The following ZNF687 variants were observed in gnomAD, a reference collection of about 807,000 sequenced individuals.
ZNF687 encodes the protein zinc finger protein 687.
A neutral mutation model predicts 71.8 loss-of-function variants in ZNF687; 13 were observed. That is an observed-to-expected ratio of 0.18 (90% CI 0.12 to 0.29). ZNF687 has a LOEUF of 0.29. Ranked by LOEUF, ZNF687 falls within the 10% of genes least tolerant of loss-of-function variation. The pLI is 1.00. For synonymous variants in ZNF687, 673 were observed against 641.6 expected (o/e 1.05, Z -0.74); for missense variants, 1,412 against 1,625.6 (o/e 0.87, Z 2.26).
chr1:151,289,041 G>A (rs1474534830), intron 3 of ZNF687, 54 bp from the exon 4 acceptor site: 4 of 1,574,996 alleles, frequency 2.5e-6, no homozygotes, highest in Middle Eastern at 3.4e-4. Context: ...TGGTCCCGGG[G>A]TGGGCATGGA....
At chr1:151,282,130 GC>G, upstream of ZNF687, 1 of 1,240,092 alleles carries the variant, frequency 8.1e-7, no homozygotes, top group Admixed American at 2.8e-5. Context: ...AGAGGACTGT[GC>G]GGGGCTAGTT....
chr1:151,289,291 C>G lies in ZNF687; in HGVS notation c.2471+20C>G. 1 of 1,612,850 alleles carries G rather than the reference C, an allele frequency of 6.2e-7. No individual in the cohort carries two copies. Among genetic ancestry groups the G allele is most frequent in the Non-Finnish European group, 8.5e-7 (1 of 1,179,208 alleles). On this transcript the variant is annotated intron_variant, in intron 4 of 8. Coordinates refer to ENST00000336715, the MANE Select transcript of ZNF687 (RefSeq NM_020832.3). Reference sequence around the variant, plus strand: ...GGCCAAGTGAGGCCCGGGGGAGGGCCGGGCTGGGCCAGGGAGGGCTGGTGG... The same window carrying G: ...GGCCAAGTGAGGCCCGGGGGAGGGCGGGGCTGGGCCAGGGAGGGCTGGTGG...
rs758261765 is a variant in ZNF687, at chr1:151,290,588, G to C, written c.3219+15G>C. The C allele has an allele frequency of 8.1e-6, 13 of 1,609,362 alleles. No homozygotes were observed. Among genetic ancestry groups the C allele is most frequent in the Admixed American group, 3.4e-5 (2 of 59,668 alleles). On this transcript the variant is annotated intron_variant, in intron 8 of 8. Transcript: ENST00000336715. ...CCAGAGCCCAGGTAGGCAGAGGCCC[G>C]GCCTGCTGTGCTAGGGCTTTGAGTG...
chr1:151,287,059 A>C lies in ZNF687; in HGVS notation c.768A>C (p.Pro256=), dbSNP rs768168409. The change falls in exon 2 of 9, where the codon CCA becomes CCC. Residue 256 remains proline (P), a synonymous_variant. Transcript: ENST00000336715. This position sits in a 1 kb window ranked among gnomAD's most constrained non-coding sequence, Gnocchi z 5.0. ...TCCCTGCCAGTGCCTCGCCTCCCCC[A>C]GTTGCTGGGGTGCCCTTCTTCAAGC... ...TDIPASASPP[P]VAGVPFFKQS... The C allele has an allele frequency of 1.9e-6, 3 of 1,610,990 alleles. No individual in the cohort carries two copies. The highest frequency in any genetic ancestry group is 1.7e-6 in the Non-Finnish European group (2 of 1,177,716).
chr1:151,282,865 A>G (rs587693306), intron 1 of ZNF687, among the ~76,000 whole-genome samples: 2 of 152,156 alleles, frequency 1.3e-5, no homozygotes, highest in South Asian at 4.1e-4. Flanking sequence ...TCCAGTCTCT[A>G]GCGAGCCTCC....
At chr1:151,282,420 C>T (rs1215058587) in intron 1 of ZNF687, 25 bp downstream of exon 1, 1 of 986,104 alleles carries the variant, frequency 1.0e-6, no homozygotes, top group Non-Finnish European at 1.2e-6. Context: ...GGTAAATACC[C>T]GCCCTTGGCT....
intron 1 of ZNF687, chr1:151,283,941 C>G: frequency 1.0e-6 from 1 of 985,392 alleles, no homozygotes; most frequent in Non-Finnish European, 1.2e-6. Context: ...GGGATAGACT[C>G]TTTAGTTGCT....
At position 151,291,158 on chromosome 1, in the gene ZNF687, G is replaced by A. The variant is rs933042611; in HGVS notation, c.3663G>A (p.Thr1221=). 46 of 1,612,840 alleles carry A rather than the reference G, an allele frequency of 2.9e-5. No homozygotes were observed. The highest frequency in any genetic ancestry group is 3.6e-5 in the Non-Finnish European group (43 of 1,179,966). Residue 1221 remains threonine, a synonymous_variant, in exon 9 of 9, where the codon ACG becomes ACA. Coordinates refer to ENST00000336715, the MANE Select transcript of ZNF687 (RefSeq NM_020832.3). ...SPLNLKTHFR[T]HGMAFIRARQ... ...TAAACCTCAAGACCCACTTCCGCAC[G>A]CATGGCATGGCGTTCATCAGGGCTC... is the stretch of plus-strand genomic sequence containing the variant.
Position 151,288,534 on chromosome 1 carries a change from C to T in ZNF687, c.2122C>T (p.Pro708Ser), listed in dbSNP as rs906443739. ...TGTTTAACCCACTCGACAGGTGTGC[C>T]CAACCTGCCCCATGATGCTCCCCAA... ...PAPGATSNVC[P>S]TCPMMLPNRC... Residue 708 changes from proline (P) to serine (S), a missense_variant, in exon 3 of 9, where the codon CCA (proline) becomes TCA (serine). By Grantham distance (74) the Pro-to-Ser change is moderately conservative. Coordinates refer to ENST00000336715, the MANE Select transcript of ZNF687 (RefSeq NM_020832.3). 3 of 1,603,512 alleles carry T rather than the reference C, an allele frequency of 1.9e-6. No homozygotes were observed. The highest frequency in any genetic ancestry group is 2.6e-6 in the Non-Finnish European group (3 of 1,173,106).
At chr1:151,288,910 G>A (rs1026183982) in intron 3 of ZNF687, among the ~76,000 whole-genome samples, 185 bp from the exon 4 acceptor site, 1 of 152,218 alleles carries the variant, frequency 6.6e-6, no homozygotes, top group East Asian at 1.9e-4. Flanking sequence ...TGGAGCTCCA[G>A]CTCTCCCTTG....
intron 7 of ZNF687, 99 bp downstream of exon 7, chr1:151,290,333 G>A (rs770488962): frequency 2.2e-5 from 36 of 1,610,118 alleles, no homozygotes; most frequent in Non-Finnish European, 2.8e-5. Flanking sequence ...TGGCCTGATG[G>A]TTGGGGTCTC....
chr1:151,288,707 G>T lies in ZNF687; in HGVS notation c.2294+1G>T. ...ACGTCTCTCGCCGTGTAGGATACAG[G>T]TGCCTCGGACCCTTCCTCCATAGAA... On this transcript the variant is annotated splice_donor_variant, in intron 3 of 8. Coordinates refer to ENST00000336715, the MANE Select transcript of ZNF687 (RefSeq NM_020832.3). LOFTEE classifies it high-confidence loss of function. The T allele has an allele frequency of 6.2e-7, 1 of 1,610,232 alleles. No individual in the cohort carries two copies. Among genetic ancestry groups the T allele is most frequent in the Non-Finnish European group, 8.5e-7 (1 of 1,177,668 alleles).
At position 151,289,222 on chromosome 1, in the gene ZNF687, C is replaced by T. The variant is rs780878374; in HGVS notation, c.2422C>T (p.His808Tyr). 4 of 1,614,156 alleles carry T rather than the reference C, an allele frequency of 2.5e-6. No individual in the cohort carries two copies. The South Asian group carries it at 3.3e-5, about 13-fold the overall frequency. ...PMAFKSGPSA[H>Y]AHLYSQHPSF... ...GGCCTTCAAGTCTGGGCCAAGTGCC[C>T]ATGCCCACCTCTACTCCCAGCATCC... The change falls in exon 4 of 9, where the codon CAT becomes TAT. Residue 808 changes from histidine to tyrosine, a missense_variant. By Grantham distance (83) the His-to-Tyr change is moderately conservative (BLOSUM62 2). Coordinates refer to ENST00000336715, the MANE Select transcript of ZNF687 (RefSeq NM_020832.3).
In ZNF687 at chr1:151,291,337, A is replaced by G; in HGVS notation, c.*128A>G. On this transcript the variant is annotated 3_prime_UTR_variant, in exon 9 of 9. Transcript: ENST00000336715. ...TGTTAATTCCTGTCTCTCCAACCTG[A>G]AGAAGAAGAGCATTTGAGGATTATT... is the stretch of plus-strand genomic sequence containing the variant. 8.0e-7 allele frequency: 1 copy of G among 1,246,296 alleles called. No homozygotes were observed. Among genetic ancestry groups the G allele is most frequent in the South Asian group, 1.6e-5 (1 of 63,714 alleles). The allele number at this position is 1,246,296 out of a possible 1,614,324, so 77.2% of individuals were successfully genotyped here.
Position 151,289,939 on chromosome 1 carries a change from G to T in ZNF687, c.2896G>T (p.Gly966Cys), listed in dbSNP as rs1457218070. The change falls in exon 6 of 9, where the codon GGC (glycine) becomes TGC (cysteine). Residue 966 changes from glycine (G) to cysteine (C), a missense_variant. By Grantham distance (159) the Gly-to-Cys change is radical. This residue lies in a region of ZNF687 where 135 missense variants were observed against 104.1 expected (regional missense o/e 1.30). Coordinates refer to ENST00000336715, the MANE Select transcript of ZNF687 (RefSeq NM_020832.3). ...TGGGGGGCCTGGAGGCTGGACCTGT[G>T]GCCTGTGTCACTCCTGGTTCCCTGA... ...GGGGPGGWTC[G>C]LCHSWFPERD... 1 of 1,565,004 alleles carries T rather than the reference G, an allele frequency of 6.4e-7. No homozygotes were observed. Among genetic ancestry groups the T allele is most frequent in the Admixed American group, 1.9e-5 (1 of 52,540 alleles).
At chr1:151,283,018 T>C (rs1268838584) in intron 1 of ZNF687, 1 of 652,840 alleles carries the variant, frequency 1.5e-6, no homozygotes, top group Non-Finnish European at 1.9e-6. Context: ...CCCCACCCTA[T>C]CCTGTGTAGT....
At chr1:151,290,342 T>C (rs587701668) in intron 7 of ZNF687, 90 bp from the exon 8 acceptor site, 1 of 1,611,024 alleles carries the variant, frequency 6.2e-7, no homozygotes, top group African/African-American at 1.3e-5. Context: ...GGTTGGGGTC[T>C]CCCTCTGCTC....
At chr1:151,282,257 G>C (rs1157217744), upstream of ZNF687, 6 of 1,011,240 alleles carry the variant, frequency 5.9e-6, no homozygotes, top group Non-Finnish European at 7.2e-6. Context: ...CCTGGAGCGC[G>C]GAGGGAGGAG....
rs760512566 is a variant in ZNF687, at chr1:151,288,683, C to T, written c.2271C>T (p.His757=). 1.1e-5 allele frequency: 18 copies of T among 1,613,486 alleles called. No individual in the cohort carries two copies. Among genetic ancestry groups the T allele is most frequent in the East Asian group, 8.9e-5 (4 of 44,884 alleles). Residue 757 remains histidine, a synonymous_variant, in exon 3 of 9, where the codon CAC becomes CAT. Transcript: ENST00000336715. The part of the protein sequence containing the change: ...FQTHLREACL[H]VSRRVGYRCP... Reference sequence around the variant, plus strand: ...CCCATCTCCGGGAGGCCTGTCTGCACGTCTCTCGCCGTGTAGGATACAGGT... The same window carrying T: ...CCCATCTCCGGGAGGCCTGTCTGCATGTCTCTCGCCGTGTAGGATACAGGT...
Sources: gnomAD v4.1 joint callset for allele counts (sites outside exome capture counted in the v4.1 genomes callset) on GRCh38, gnomAD v4.1.1 for gene constraint, gnomAD v4.1.1 regional missense constraint, Gnocchi (gnomAD v3.1) non-coding constraint, MANE v1.5 for transcripts, NCBI Gene and HGNC (gene_info 2026-07-23, HGNC 2026-07-21) for gene names.